Variants in RBFOX1 observed in about 807,000 individuals in gnomAD.
RBFOX1 encodes the protein RNA binding fox-1 homolog 1, also known as RNA binding protein fox-1 homolog 1.
RBFOX1 carries 8 observed loss-of-function variants against 57.7 expected under a neutral mutation model. That is an observed-to-expected ratio of 0.14 (90% CI 0.08 to 0.25). The LOEUF (loss-of-function observed/expected upper bound fraction) is 0.25. Ranked by LOEUF, RBFOX1 falls within the 10% of genes least tolerant of loss-of-function variation. The pLI is 1.00. For missense variants in RBFOX1, 611 were observed against 548.5 expected, an observed-to-expected ratio of 1.11 and a Z score of -1.14; for synonymous variants, 326 against 222.4, an observed-to-expected ratio of 1.47 and a Z score of -4.15.
intron 1 of RBFOX1, among the ~76,000 whole-genome samples, chr16:5,397,583 TA>T (rs1030579837): frequency 1.3e-5 from 2 of 152,080 alleles, no homozygotes; most frequent in African/African-American, 4.8e-5. Flanking sequence ...TTCTGAGAAA[TA>T]AATATAGGAG....
intron 3 of RBFOX1, among the ~76,000 whole-genome samples, chr16:6,860,304 C>A (rs1049120638): frequency 3.9e-5 from 6 of 152,146 alleles, no homozygotes; most frequent in Non-Finnish European, 8.8e-5. Flanking sequence ...ACTAAATGTT[C>A]TCAGTTCTGA....
chr16:5,898,617 A>G (rs2058226295), intron 4 of RBFOX1, among the ~76,000 whole-genome samples: 3 of 151,894 alleles, frequency 2.0e-5, no homozygotes, highest in Admixed American at 1.3e-4. Flanking sequence ...TTTGCAGATG[A>G]ATGAATCAAG....
chr16:5,854,746 A>C (rs2151871763), intron 3 of RBFOX1, among the ~76,000 whole-genome samples: 1 of 152,250 alleles, frequency 6.6e-6, no homozygotes, highest in South Asian at 2.1e-4. Context: ...TTGGATAGGT[A>C]CTCAGAAGGA....
intron 2 of RBFOX1, among the ~76,000 whole-genome samples, chr16:6,619,747 G>C (rs1051670833): frequency 9.0e-6 from 1 of 110,890 alleles, no homozygotes; most frequent in Non-Finnish European, 1.8e-5. Context: ...CAAATGTACT[G>C]TTTTTACATA....
chr16:5,416,217 G>A (rs987052800), intron 1 of RBFOX1, among the ~76,000 whole-genome samples: 1 of 152,144 alleles, frequency 6.6e-6, no homozygotes, highest in East Asian at 1.9e-4. Flanking sequence ...TACAGATGAG[G>A]ACATTGAGAC....
chr16:7,197,478 C>T (rs2087020881), intron 4 of RBFOX1, among the ~76,000 whole-genome samples: 1 of 141,300 alleles, frequency 7.1e-6, no homozygotes, highest in Non-Finnish European at 1.5e-5. Context: ...AGCTGTGATA[C>T]TGCAGAATTA....
chr16:5,797,252 T>C (rs1261138303), intron 3 of RBFOX1, among the ~76,000 whole-genome samples: 4 of 152,196 alleles, frequency 2.6e-5, no homozygotes, highest in Admixed American at 2.0e-4. Flanking sequence ...GAAGGTAAAC[T>C]ACATAGACTG....
At chr16:7,701,513 TC>T (rs1215098820) in intron 14 of RBFOX1, among the ~76,000 whole-genome samples, 10 of 152,312 alleles carry the variant, frequency 6.6e-5, no homozygotes, top group African/African-American at 2.4e-4. Context: ...CAGTTTTTTT[TC>T]CTGAAACTAT....
chr16:5,444,261 C>A (rs1480196707), intron 1 of RBFOX1, among the ~76,000 whole-genome samples: 2 of 152,204 alleles, frequency 1.3e-5, no homozygotes, highest in African/African-American at 4.8e-5. Context: ...GATTGGCTGC[C>A]TTGCTACCTG....
rs1483297650 is a variant in RBFOX1 at position 7,505,091 on chromosome 16, T to A, written c.28-13056T>A. Among the ~76,000 whole-genome samples, 3 of 151,630 alleles carry A rather than the reference T, an allele frequency of 2.0e-5. No individual in the cohort carries two copies. In the South Asian group the frequency reaches 6.2e-4, roughly 31 times the overall value. Reference sequence around the variant, plus strand: ...CCGAGGTGCTGAGTGAGTCAGAACATGTCTCAGTACTACTAAAAATGAAGA... The same window carrying A: ...CCGAGGTGCTGAGTGAGTCAGAACAAGTCTCAGTACTACTAAAAATGAAGA... On this transcript the variant is annotated intron_variant, in intron 4 of 15. Coordinates refer to ENST00000550418, the MANE Select transcript of RBFOX1 (RefSeq NM_018723.4).
At chr16:6,768,342 A>AT (rs1365869879) in intron 3 of RBFOX1, among the ~76,000 whole-genome samples, 18 of 148,784 alleles carry the variant, frequency 1.2e-4, no homozygotes, top group Admixed American at 3.4e-4. Flanking sequence ...GTATTTCAAA[A>AT]ATTTTTTTTC....
chr16:6,152,850 G>C (rs1329698683), intron 1 of RBFOX1, among the ~76,000 whole-genome samples: 1 of 152,058 alleles, frequency 6.6e-6, no homozygotes, highest in Non-Finnish European at 1.5e-5. Flanking sequence ...GACCTTACTT[G>C]AACAAAGAGA....
At chr16:7,525,514 G>C (rs1273590087) in intron 5 of RBFOX1, among the ~76,000 whole-genome samples, 1 of 152,134 alleles carries the variant, frequency 6.6e-6, no homozygotes, top group East Asian at 1.9e-4. Context: ...CAGAGAGCTT[G>C]CACCGATTTG....
At chr16:6,340,059 T>A (rs2084324297) in intron 2 of RBFOX1, among the ~76,000 whole-genome samples, 1 of 152,048 alleles carries the variant, frequency 6.6e-6, no homozygotes. Flanking sequence ...ATGCAAAAGG[T>A]TGGTATCTAG....
chr16:6,661,099 A>G (rs750048157), intron 3 of RBFOX1, among the ~76,000 whole-genome samples: 5 of 152,210 alleles, frequency 3.3e-5, no homozygotes, highest in Admixed American at 2.0e-4. Flanking sequence ...AAATGTGGCC[A>G]TGTGGAATAT....
At chr16:6,991,500 A>T (rs1179298854) in intron 3 of RBFOX1, among the ~76,000 whole-genome samples, 1 of 152,104 alleles carries the variant, frequency 6.6e-6, no homozygotes, top group African/African-American at 2.4e-5. Context: ...TTCCCATGTG[A>T]TTATTATCAT....
At chr16:6,567,946 GA>G (rs1325196669) in intron 2 of RBFOX1, among the ~76,000 whole-genome samples, 1 of 152,000 alleles carries the variant, frequency 6.6e-6, no homozygotes, top group Non-Finnish European at 1.5e-5. Context: ...TCAGCCTCCC[GA>G]GTAGCTGGGA....
At chr16:5,949,389 G>T (rs896282332) in intron 4 of RBFOX1, among the ~76,000 whole-genome samples, 2 of 151,906 alleles carry the variant, frequency 1.3e-5, no homozygotes, top group Non-Finnish European at 2.9e-5. Context: ...AGCCTGGCAT[G>T]GTGGTGGGCG....
At chr16:6,737,935 T>C (rs1235281395) in intron 3 of RBFOX1, among the ~76,000 whole-genome samples, 1 of 152,116 alleles carries the variant, frequency 6.6e-6, no homozygotes, top group East Asian at 1.9e-4. Flanking sequence ...AATAAGATAA[T>C]GAGTAAACAT....
Sources: gnomAD v4.1 joint callset for allele counts (sites outside exome capture counted in the v4.1 genomes callset) on GRCh38, gnomAD v4.1.1 for gene constraint, MANE v1.5 for transcripts, NCBI Gene and HGNC (gene_info 2026-07-23, HGNC 2026-07-21) for gene names.